The following ACBD4 variants were observed in gnomAD, a reference collection of about 807,000 sequenced individuals.
ACBD4 encodes the protein acyl-CoA binding domain containing 4.
In ACBD4, 41 loss-of-function variants were observed where a neutral mutation model predicts 46.0. The ratio of observed to expected loss-of-function variants is 0.89; its 90% CI spans 0.69 to 1.16. The LOEUF (loss-of-function observed/expected upper bound fraction) is 1.16, where lower values mean the gene tolerates loss of function less well. Ranked by LOEUF, ACBD4 falls within the 50% of genes most tolerant of loss-of-function variation. The pLI, the probability that ACBD4 is intolerant of heterozygous loss-of-function variation, is 0.00. For synonymous variants in ACBD4, 162 were observed against 155.9 expected (o/e 1.04, Z -0.29); for missense variants, 393 against 399.5 (o/e 0.98, Z 0.14).
chr17:45,140,569 A>G lies in ACBD4; in HGVS notation c.789+1409A>G, dbSNP rs553352122. ...GGCCAGCGTGGTGGCTCACACCTGT[A>G]ATCCCAGCACTTTGGGAGGCTGAGG... On this transcript the variant is annotated intron_variant, in intron 9 of 9. Coordinates refer to ENST00000321854, the MANE Select transcript of ACBD4 (RefSeq NM_001135705.3). Among the ~76,000 whole-genome samples, 526 of 150,818 alleles carry G rather than the reference A, an allele frequency of 3.5e-3. 3 individuals carry two copies. The highest frequency in any genetic ancestry group is 0.012 in the African/African-American group (511 of 41,200).
upstream of ACBD4, among the ~76,000 whole-genome samples, chr17:45,133,823 G>A (rs371805357): frequency 1.1e-3 from 163 of 151,916 alleles, 4 homozygotes; most frequent in African/African-American, 3.8e-3. Flanking sequence ...GAGCCACCGC[G>A]CCCGGCCCTG....
intron 8 of ACBD4, 124 bp downstream of exon 8, chr17:45,138,112 G>A: frequency 9.3e-7 from 1 of 1,071,452 alleles, no homozygotes; most frequent in South Asian, 1.5e-5. Context: ...TGAGCGAGAA[G>A]CCTCTGTCCA....
chr17:45,138,923 A>G (rs1361496161), intron 8 of ACBD4, 98 bp from the exon 9 acceptor site: 1 of 1,331,892 alleles, frequency 7.5e-7, no homozygotes, highest in Non-Finnish European at 1.0e-6. Context: ...ACTGGGTTCC[A>G]CTCCTACACT....
upstream of ACBD4, chr17:45,135,652 G>C (rs9906321): frequency 6.4e-6 from 1 of 156,544 alleles, no homozygotes; most frequent in Admixed American, 6.3e-5. Flanking sequence ...CCCTCGATCT[G>C]CGTCGCCATC....
At chr17:45,136,076 A>C (rs2054805337) in intron 1 of ACBD4, 32 bp from the exon 2 acceptor site, 2 of 1,506,416 alleles carry the variant, frequency 1.3e-6, no homozygotes. Context: ...GGGACCCTGG[A>C]GGCCCCCTCA....
In ACBD4 at chr17:45,137,357, T is replaced by C; in HGVS notation, c.416-11T>C. The C allele has an allele frequency of 6.2e-7, 1 of 1,614,026 alleles. No homozygotes were observed. The highest frequency in any genetic ancestry group is 8.5e-7 in the Non-Finnish European group (1 of 1,179,964). ...TCCCCAGGCCCACCTCTGGGTGCTG[T>C]GTCTTGGCAGGTTGGAAAGAGCAGG... On this transcript the variant is annotated splice_polypyrimidine_tract_variant and intron_variant, in intron 5 of 9. Transcript: ENST00000321854.
At position 45,137,989 on chromosome 17, in the gene ACBD4, G is replaced by A; in HGVS notation, c.649+1G>A. 13 of 1,612,820 alleles carry A rather than the reference G, an allele frequency of 8.1e-6. No homozygotes were observed. The highest frequency in any genetic ancestry group is 2.2e-5 in the East Asian group (1 of 44,864). Reference sequence around the variant, plus strand: ...AGCCCCGTGCCCCCCACAAAGAAAGGTGAGCTCCTACCCAACCTCTCACCC... The same window carrying A: ...AGCCCCGTGCCCCCCACAAAGAAAGATGAGCTCCTACCCAACCTCTCACCC... On this transcript the variant is annotated splice_donor_variant, in intron 8 of 9. Transcript: ENST00000321854. LOFTEE classifies it high-confidence loss of function.
Position 45,136,528 on chromosome 17 carries a change from G to A in ACBD4, c.117G>A (p.Met39Ile), listed in dbSNP as rs2054847820. Reference protein sequence around the residue: ...NGSYRPSYEEMLRFYSYYKQA... With the variant: ...NGSYRPSYEEILRFYSYYKQA... ...CTTACCGCCCCTCCTATGAAGAGATGCTGCGATTCTACAGTTACTACAAGC... is the reference window on the plus strand; with the variant it reads ...CTTACCGCCCCTCCTATGAAGAGATACTGCGATTCTACAGTTACTACAAGC... The change falls in exon 3 of 10, where the codon ATG becomes ATA. Residue 39 changes from methionine (M) to isoleucine (I), a missense_variant. Physicochemically the swap from Met to Ile is conservative, Grantham distance 10 (BLOSUM62 1). Around this residue, in one of 3 missense-constraint regions of ACBD4, gnomAD observed 61 missense variants for 50.3 expected, o/e 1.21. Coordinates refer to ENST00000321854, the MANE Select transcript of ACBD4 (RefSeq NM_001135705.3). 3 of 1,613,686 alleles carry A rather than the reference G, an allele frequency of 1.9e-6. No homozygotes were observed. The Admixed American group carries it at 5.0e-5, about 27-fold the overall frequency.
rs2054974147 is a variant in ACBD4, at chr17:45,137,913, G to A, written c.574G>A (p.Val192Ile). The A allele has an allele frequency of 1.2e-6, 2 of 1,613,966 alleles. No individual in the cohort carries two copies. The highest frequency in any genetic ancestry group is 2.2e-5 in the South Asian group (2 of 91,072). ...TCAGCTCTCTGACTCATCTCAGCAGGTTTGGACAGAGCAGCGGGCAGCATC... is the reference window on the plus strand; with the variant it reads ...TCAGCTCTCTGACTCATCTCAGCAGATTTGGACAGAGCAGCGGGCAGCATC... Reference protein sequence around the residue: ...DSLEQLEPELVWTEQRAASGG... With the variant: ...DSLEQLEPELIWTEQRAASGG... Residue 192 changes from valine (V) to isoleucine (I), a missense_variant and splice_region_variant, in exon 8 of 10, where the codon GTT (valine) becomes ATT (isoleucine). Physicochemically the swap from Val to Ile is conservative, Grantham distance 29. Transcript: ENST00000321854.
chr17:45,135,975 A>T (rs1232395130), intron 1 of ACBD4, 22 bp downstream of exon 1: 1 of 645,694 alleles, frequency 1.5e-6, no homozygotes, highest in African/African-American at 1.8e-5. Context: ...AGGCTCCTCA[A>T]CCACAACTTC....
At chr17:45,139,272 C>G in intron 9 of ACBD4, 112 bp downstream of exon 9, 1 of 1,114,148 alleles carries the variant, frequency 9.0e-7, no homozygotes, top group Non-Finnish European at 1.3e-6. Flanking sequence ...GCCCACATCT[C>G]TCTCCAGAGA....
intron 5 of ACBD4, 36 bp downstream of exon 5, chr17:45,137,175 A>G: frequency 6.2e-7 from 1 of 1,613,762 alleles, no homozygotes. Flanking sequence ...AAAAGTGCTG[A>G]GTGAACCGTC....
upstream of ACBD4, chr17:45,135,195 AC>A (rs1325645505): frequency 6.6e-6 from 1 of 152,020 alleles, no homozygotes; most frequent in Admixed American, 6.6e-5. Flanking sequence ...CGAACTCCTG[AC>A]CTCAGGTGAT....
At position 45,137,797 on chromosome 17, in the gene ACBD4, C is replaced by T. The variant is rs753002354; in HGVS notation, c.540C>T (p.Phe180=). The change falls in exon 7 of 10, where the codon TTC becomes TTT. Residue 180 remains phenylalanine (F), a synonymous_variant. Transcript: ENST00000321854. The stretch of plus-strand genomic sequence containing the variant: ...CCAGGGACCTGGACTCCGAGGTTTT[C>T]TGTGATTCCCTGGAGCAGCTGGAGC... ...HSPRDLDSEV[F]CDSLEQLEPE... is the part of the protein sequence containing the mutation. 2 of 1,614,074 alleles carry T rather than the reference C, an allele frequency of 1.2e-6. No homozygotes were observed. Among genetic ancestry groups the T allele is most frequent in the Non-Finnish European group, 1.7e-6 (2 of 1,180,032 alleles).
At chr17:45,136,407 C>T (rs1567896589) in intron 2 of ACBD4, 93 bp from the exon 3 acceptor site, 1 of 1,482,958 alleles carries the variant, frequency 6.7e-7, no homozygotes, top group Non-Finnish European at 9.2e-7. Context: ...GACCCATCAC[C>T]ACCTCTGCCC....
intron 9 of ACBD4, chr17:45,142,531 T>C: frequency 1.1e-5 from 3 of 273,074 alleles, no homozygotes; most frequent in South Asian, 9.8e-5. Flanking sequence ...ACAGATTCAG[T>C]ATTCCCAGGA....
Position 45,143,820 on chromosome 17 carries a change from C to A in ACBD4, c.*249C>A. On this transcript the variant is annotated 3_prime_UTR_variant, in exon 10 of 10. Coordinates refer to ENST00000321854, the MANE Select transcript of ACBD4 (RefSeq NM_001135705.3). ...AGGCTGCAGTTGTGGTACACGTCCC[C>A]GGTGCTGGGTTGGCCGTGACTCGGG... 1 of 612,002 alleles carries A rather than the reference C, an allele frequency of 1.6e-6. No individual in the cohort carries two copies. The highest frequency in any genetic ancestry group is 2.8e-6 in the Non-Finnish European group (1 of 358,388). The allele number at this position is 612,002 out of a possible 1,614,324, so 37.9% of individuals were successfully genotyped here.
rs1301433435 is a variant in ACBD4 at position 45,137,148 on chromosome 17, C to G, written c.415+9C>G. ...CCTGAGAAGGGTCACAGGTCAGACTCCCAGGCTGGGAGCTCCAAAAGTGCT... is the reference window on the plus strand; with the variant it reads ...CCTGAGAAGGGTCACAGGTCAGACTGCCAGGCTGGGAGCTCCAAAAGTGCT... On this transcript the variant is annotated intron_variant, in intron 5 of 9. Transcript: ENST00000321854. 7 of 1,613,914 alleles carry G rather than the reference C, an allele frequency of 4.3e-6. No homozygotes were observed. The highest frequency in any genetic ancestry group is 1.6e-4 in the Middle Eastern group (1 of 6,084).
chr17:45,137,666 A>G (rs1228326181), intron 6 of ACBD4, 94 bp from the exon 7 acceptor site: 1 of 1,445,568 alleles, frequency 6.9e-7, no homozygotes, highest in South Asian at 1.1e-5. Flanking sequence ...TCGTATCTCT[A>G]GTGTCTCCTA....
Sources: allele counts gnomAD v4.1 joint callset (sites outside exome capture counted in the v4.1 genomes callset), GRCh38; gene constraint gnomAD v4.1.1; regional missense constraint gnomAD v4.1.1; transcripts MANE v1.5; gene names NCBI Gene and HGNC (gene_info 2026-07-23, HGNC 2026-07-21).